Variants in FSTL1 observed in about 807,000 individuals in gnomAD.
FSTL1 encodes follistatin like 1.
FSTL1 carries 24 observed loss-of-function variants against 45.9 expected under a neutral mutation model. That is an observed-to-expected ratio of 0.52 (90% CI 0.38 to 0.74). FSTL1 has a LOEUF of 0.74. FSTL1 is among the 30% of genes least tolerant of loss of function. The pLI is 0.00. For synonymous variants in FSTL1, 120 were observed against 137.6 expected (o/e 0.87, Z 0.89); for missense variants, 340 against 381.8 (o/e 0.89, Z 0.91).
At chr3:120,415,142 A>G (rs1937165299) in intron 3 of FSTL1, among the ~76,000 whole-genome samples, 1 of 151,814 alleles carries the variant, frequency 6.6e-6, no homozygotes, top group African/African-American at 2.4e-5. Flanking sequence ...AAAACATTAA[A>G]AAAAAAAAAC....
chr3:120,412,837 C>T (rs1368718896), intron 3 of FSTL1, among the ~76,000 whole-genome samples: 9 of 68,518 alleles, frequency 1.3e-4, no homozygotes, highest in Non-Finnish European at 2.4e-4. Context: ...CGCGCGCGCG[C>T]GCACACACAC....
Position 120,428,807 on chromosome 3 carries a change from G to A in FSTL1, c.64-12780C>T, listed in dbSNP as rs541892988. On this transcript the variant is annotated intron_variant, in intron 2 of 10. Coordinates refer to ENST00000295633, the MANE Select transcript of FSTL1 (RefSeq NM_007085.5). The stretch of plus-strand genomic sequence containing the variant: ...GGACAAAGTCCTGGGAATCTCTGGG[G>A]GTAGTGTGGCTGCAAAGCAGTTAAG... Among the ~76,000 whole-genome samples, 120 of 152,276 alleles carry A rather than the reference G, an allele frequency of 7.9e-4. 1 individual carries two copies. The highest frequency in any genetic ancestry group is 1.6e-3 in the Non-Finnish European group (106 of 68,024).
chr3:120,431,749 G>T (rs1451329992), intron 2 of FSTL1, among the ~76,000 whole-genome samples: 1 of 152,218 alleles, frequency 6.6e-6, no homozygotes, highest in Non-Finnish European at 1.5e-5. Flanking sequence ...AGGAGAAAGA[G>T]GACGACCTTC....
At position 120,419,468 on chromosome 3, in the gene FSTL1, C is replaced by T. The variant is rs1267283483; in HGVS notation, c.64-3441G>A. ...GCTTAGGGTGGTGGGTAGTCTTACC[C>T]ATCTACTGAGAAACTGATTCTGAGT... On this transcript the variant is annotated intron_variant, in intron 2 of 10. Transcript: ENST00000295633. 3 of 152,300 alleles carry T rather than the reference C, an allele frequency of 2.0e-5. No homozygotes were observed. The South Asian group carries it at 6.2e-4, about 32-fold the overall frequency. 9.4% of individuals were successfully genotyped at this position (152,300 alleles called of 1,614,324 possible). A position where few individuals can be genotyped will look rare whatever the true frequency, so the allele number is the denominator to read the frequency against.
At chr3:120,434,635 G>A (rs1287735489) in intron 2 of FSTL1, among the ~76,000 whole-genome samples, 1 of 152,048 alleles carries the variant, frequency 6.6e-6, no homozygotes, top group African/African-American at 2.4e-5. Context: ...TAAAACTCTG[G>A]AACATCCTCT....
chr3:120,444,852 T>C (rs1211982225), intron 2 of FSTL1, among the ~76,000 whole-genome samples: 1 of 149,818 alleles, frequency 6.7e-6, no homozygotes, highest in African/African-American at 2.6e-5. Context: ...TGTGTGCTTT[T>C]TAAATTAAAT....
intron 2 of FSTL1, among the ~76,000 whole-genome samples, chr3:120,439,224 A>T (rs773262811): frequency 1.3e-4 from 20 of 152,138 alleles, no homozygotes; most frequent in Non-Finnish European, 2.4e-4. Flanking sequence ...CTGGGGGTTT[A>T]CTCTAAGACA....
intron 2 of FSTL1, among the ~76,000 whole-genome samples, chr3:120,422,587 G>A (rs1452737918): frequency 2.0e-5 from 3 of 152,122 alleles, no homozygotes; most frequent in Non-Finnish European, 4.4e-5. Context: ...CACTTCGGAT[G>A]TTTTTGGGTC....
chr3:120,398,996 A>C (rs1459595847), intron 10 of FSTL1, among the ~76,000 whole-genome samples: 4 of 152,236 alleles, frequency 2.6e-5, no homozygotes, highest in African/African-American at 9.6e-5. Flanking sequence ...ATGCACATTA[A>C]GAATGATCAA....
chr3:120,404,306 G>A (rs964314798), intron 7 of FSTL1, among the ~76,000 whole-genome samples: 19 of 152,130 alleles, frequency 1.2e-4, no homozygotes, highest in African/African-American at 4.6e-4. Context: ...TTGAAAAAAA[G>A]ACATGCTTTT....
At chr3:120,444,647 A>G (rs1937698831) in intron 2 of FSTL1, among the ~76,000 whole-genome samples, 1 of 149,858 alleles carries the variant, frequency 6.7e-6, no homozygotes, top group South Asian at 2.1e-4. Flanking sequence ...TTTTATTTAA[A>G]TAAAAAAGTT....
At chr3:120,424,018 T>C (rs1400814156) in intron 2 of FSTL1, 1 of 152,172 alleles carries the variant, frequency 6.6e-6, no homozygotes, top group East Asian at 1.9e-4. Context: ...CCTCCAGTCT[T>C]CTTCAGTAAT....
intron 2 of FSTL1, among the ~76,000 whole-genome samples, chr3:120,440,096 G>A (rs1429534384): frequency 1.3e-5 from 2 of 152,142 alleles, no homozygotes; most frequent in South Asian, 2.1e-4. Context: ...CCGGGCAACA[G>A]AGCAAGATCC....
chr3:120,414,215 G>A (rs1203679834), intron 3 of FSTL1, among the ~76,000 whole-genome samples: 1 of 152,172 alleles, frequency 6.6e-6, no homozygotes, highest in Non-Finnish European at 1.5e-5. Flanking sequence ...CGTCTGGGAA[G>A]TGAGGAGCGT....
chr3:120,424,951 G>A (rs1234098293), intron 2 of FSTL1, among the ~76,000 whole-genome samples: 1 of 152,104 alleles, frequency 6.6e-6, no homozygotes, highest in Non-Finnish European at 1.5e-5. Flanking sequence ...CTGTGTAGGG[G>A]TGAGAAATTG....
chr3:120,403,082 C>T (rs542378028), intron 8 of FSTL1, among the ~76,000 whole-genome samples, 160 bp downstream of exon 8: 2 of 152,258 alleles, frequency 1.3e-5, no homozygotes, highest in African/African-American at 4.8e-5. Flanking sequence ...GAATGTGGGG[C>T]CCTAACTTCA....
At chr3:120,408,602 T>A (rs1044220045) in intron 6 of FSTL1, among the ~76,000 whole-genome samples, 6 of 152,060 alleles carry the variant, frequency 3.9e-5, no homozygotes, top group South Asian at 2.1e-4. Context: ...CCTGGAAGCA[T>A]GTGAGGGAGT....
At chr3:120,450,494 CT>C (rs1937864965) in intron 2 of FSTL1, among the ~76,000 whole-genome samples, 189 bp downstream of exon 2, 1 of 152,196 alleles carries the variant, frequency 6.6e-6, no homozygotes, top group African/African-American at 2.4e-5. Flanking sequence ...GCCCGAACTA[CT>C]TTTCCTGCTT....
intron 2 of FSTL1, chr3:120,423,717 C>T (rs898187564): frequency 6.6e-6 from 1 of 152,222 alleles, no homozygotes; most frequent in African/African-American, 2.4e-5. Flanking sequence ...TCCACTGCTA[C>T]TGACAGGGTC....
Sources: gnomAD v4.1 joint callset for allele counts (sites outside exome capture counted in the v4.1 genomes callset) on GRCh38, gnomAD v4.1.1 for gene constraint, MANE v1.5 for transcripts, NCBI Gene and HGNC (gene_info 2026-07-23, HGNC 2026-07-21) for gene names.